Variants in PCDHA4 observed in about 807,000 individuals in gnomAD.
PCDHA4 encodes protocadherin alpha 4.
PCDHA4 carries 49 observed loss-of-function variants against 61.4 expected under a neutral mutation model. That is an observed-to-expected ratio of 0.80 (90% CI 0.63 to 1.01). The LOEUF (loss-of-function observed/expected upper bound fraction) is 1.01. PCDHA4 is among the 50% of genes least tolerant of loss of function. PCDHA4 has a pLI of 0.00. For synonymous variants in PCDHA4, 590 were observed against 550.3 expected (o/e 1.07, Z -1.01); for missense variants, 1,254 against 1,235.8 (o/e 1.01, Z -0.22).
chr5:140,901,443 T>C (rs1288584501), intron 1 of PCDHA4, among the ~76,000 whole-genome samples: 2 of 152,202 alleles, frequency 1.3e-5, no homozygotes, highest in Non-Finnish European at 2.9e-5. Flanking sequence ...ATATCTAGTT[T>C]CCCAGCACAG....
chr5:140,849,825 G>A, intron 1 of PCDHA4: 1 of 1,598,526 alleles, frequency 6.3e-7, no homozygotes, highest in Non-Finnish European at 8.6e-7. Context: ...GGTGTCTGTG[G>A]AGGTGGCCGA....
intron 1 of PCDHA4, among the ~76,000 whole-genome samples, chr5:140,975,683 G>T (rs1226769029): frequency 6.6e-6 from 1 of 151,934 alleles, no homozygotes; most frequent in Non-Finnish European, 1.5e-5. Context: ...AATAAAATAG[G>T]GTATTTTAAA....
intron 1 of PCDHA4, chr5:140,822,236 A>G: frequency 6.2e-7 from 1 of 1,614,248 alleles, no homozygotes; most frequent in Non-Finnish European, 8.5e-7. Context: ...TTTCCGCTAG[A>G]GGGCGCGTCG....
chr5:141,008,999 G>A (rs1389698923), intron 3 of PCDHA4, among the ~76,000 whole-genome samples: 1 of 152,200 alleles, frequency 6.6e-6, no homozygotes, highest in African/African-American at 2.4e-5. Context: ...ACTAAAAGGA[G>A]CATATTTTGC....
chr5:140,978,061 A>G (rs1307101965), intron 1 of PCDHA4, among the ~76,000 whole-genome samples: 1 of 152,202 alleles, frequency 6.6e-6, no homozygotes, highest in Non-Finnish European at 1.5e-5. Flanking sequence ...ATGATGTCCC[A>G]GTGATTTCTG....
Position 140,842,281 on chromosome 5 carries a change from T to G in PCDHA4, c.2385+32709T>G, listed in dbSNP as rs1777847899. On this transcript the variant is annotated intron_variant, in intron 1 of 3. Coordinates refer to ENST00000530339, the MANE Select transcript of PCDHA4 (RefSeq NM_018907.4). Reference sequence around the variant, plus strand: ...AAGAAAACTTATACAAAATCCTCATTGACGCCACGGACAAAGGCCATCCTC... The same window carrying G: ...AAGAAAACTTATACAAAATCCTCATGGACGCCACGGACAAAGGCCATCCTC... 3 of 1,610,824 alleles carry G rather than the reference T, an allele frequency of 1.9e-6. No individual in the cohort carries two copies. The East Asian group carries it at 6.7e-5, about 36-fold the overall frequency.
intron 1 of PCDHA4, among the ~76,000 whole-genome samples, chr5:140,933,701 A>G (rs1204346571): frequency 6.6e-6 from 1 of 151,814 alleles, no homozygotes; most frequent in East Asian, 1.9e-4. Flanking sequence ...CCTCGGACAC[A>G]TTTACTGAGA....
At chr5:140,823,702 C>A in intron 1 of PCDHA4, 1 of 1,613,952 alleles carries the variant, frequency 6.2e-7, no homozygotes, top group Non-Finnish European at 8.5e-7. Context: ...CGAAGCACCG[C>A]GCCACCGCCT....
chr5:140,999,687 A>G (rs1554256930), intron 3 of PCDHA4, among the ~76,000 whole-genome samples: 2 of 152,044 alleles, frequency 1.3e-5, no homozygotes, highest in Non-Finnish European at 2.9e-5. Flanking sequence ...AGAAAGAAGA[A>G]ATGTGATTTT....
At chr5:140,870,243 C>T (rs782592982) in intron 1 of PCDHA4, 1 of 1,614,178 alleles carries the variant, frequency 6.2e-7, no homozygotes, top group South Asian at 1.1e-5. Flanking sequence ...ACTCAGGTGT[C>T]AACGGACAGG....
intron 1 of PCDHA4, chr5:140,861,372 A>G (rs2046882996): frequency 8.6e-5 from 35 of 407,054 alleles, no homozygotes; most frequent in South Asian, 7.5e-4. Context: ...CGCGGTCCCT[A>G]TTGCGCAGGA....
At chr5:140,979,062 G>A in intron 2 of PCDHA4, 55 bp downstream of exon 2, 1 of 1,604,568 alleles carries the variant, frequency 6.2e-7, no homozygotes, top group Non-Finnish European at 8.5e-7. Flanking sequence ...GTATGGCTCA[G>A]ATAAACTGCA....
intron 1 of PCDHA4, among the ~76,000 whole-genome samples, chr5:140,910,954 G>A (rs183183329): frequency 3.4e-4 from 51 of 152,174 alleles, no homozygotes; most frequent in Admixed American, 7.2e-4. Flanking sequence ...CTTTTCGAGT[G>A]TAGCACACCT....
intron 1 of PCDHA4, chr5:140,860,741 A>G (rs1051390184): frequency 2.0e-5 from 3 of 152,018 alleles, no homozygotes; most frequent in Non-Finnish European, 2.9e-5. Context: ...TTTGTTTTTT[A>G]TTTTTTATTT....
chr5:140,821,559 G>C, intron 1 of PCDHA4: 1 of 518,590 alleles, frequency 1.9e-6, no homozygotes, highest in Non-Finnish European at 3.3e-6. Flanking sequence ...ACATGATGTC[G>C]CTGGACACCG....
chr5:140,971,529 T>G (rs782358590), intron 1 of PCDHA4, among the ~76,000 whole-genome samples: 1 of 152,176 alleles, frequency 6.6e-6, no homozygotes, highest in East Asian at 1.9e-4. Flanking sequence ...GTTCTGAAAG[T>G]CATCATTGCC....
intron 1 of PCDHA4, among the ~76,000 whole-genome samples, chr5:140,951,285 A>T (rs1267785922): frequency 6.6e-6 from 1 of 152,100 alleles, no homozygotes; most frequent in East Asian, 1.9e-4. Context: ...GTAATTTTGG[A>T]TTATATCTTG....
At chr5:140,888,686 T>C (rs1326536229) in intron 1 of PCDHA4, among the ~76,000 whole-genome samples, 1 of 152,214 alleles carries the variant, frequency 6.6e-6, no homozygotes, top group Non-Finnish European at 1.5e-5. Context: ...AAGAGGTCTC[T>C]CTTCTCTGAT....
At chr5:140,985,138 C>T (rs972329850) in intron 3 of PCDHA4, among the ~76,000 whole-genome samples, 3 of 152,016 alleles carry the variant, frequency 2.0e-5, no homozygotes, top group Non-Finnish European at 2.9e-5. Flanking sequence ...GGGGTTTCAC[C>T]GTGTTAGCCA....
Sources: allele counts gnomAD v4.1 joint callset (sites outside exome capture counted in the v4.1 genomes callset), GRCh38; gene constraint gnomAD v4.1.1; transcripts MANE v1.5; gene names NCBI Gene and HGNC (gene_info 2026-07-23, HGNC 2026-07-21).